The following SDK1 variants were observed in gnomAD, a reference collection of about 807,000 sequenced individuals.
SDK1 encodes the protein protein sidekick-1.
A neutral mutation model predicts 245.5 loss-of-function variants in SDK1; 157 were observed. The ratio of observed to expected loss-of-function variants is 0.64; its 90% CI spans 0.56 to 0.73. SDK1 has a LOEUF of 0.73. Ranked by LOEUF, SDK1 falls within the 30% of genes least tolerant of loss-of-function variation. The pLI, the probability that SDK1 is intolerant of heterozygous loss-of-function variation, is 0.00. For missense variants in SDK1, 3,583 were observed against 3,002.3 expected (o/e 1.19, Z -4.52); for synonymous variants, 1,647 against 1,278.5 (o/e 1.29, Z -6.15).
At position 4,111,554 on chromosome 7, in the gene SDK1, A is replaced by G. The variant is rs10259087; in HGVS notation, c.3434+782A>G. On this transcript the variant is annotated intron_variant, in intron 23 of 44. Transcript: ENST00000404826. ...AAAAAAAAAAACAATGAGAGATGCT[A>G]TTTAGCTTCTATTCATTTTAACATC... Among the ~76,000 whole-genome samples the G allele has an allele frequency of 7.4e-3, 1,121 of 152,294 alleles. 15 individuals are homozygous for G. Among genetic ancestry groups the G allele is most frequent in the African/African-American group, 0.026 (1,073 of 41,554 alleles).
chr7:3,796,971 CT>C (rs911867559), intron 4 of SDK1, among the ~76,000 whole-genome samples: 13 of 150,764 alleles, frequency 8.6e-5, no homozygotes, highest in African/African-American at 2.2e-4. Flanking sequence ...CATATATTTT[CT>C]TTTTTTTTCC....
At chr7:3,497,392 T>C (rs535922679) in intron 1 of SDK1, among the ~76,000 whole-genome samples, 1 of 152,328 alleles carries the variant, frequency 6.6e-6, no homozygotes, top group Admixed American at 6.5e-5. Context: ...TTCTCCTAGA[T>C]GATGTTTATC....
At chr7:4,176,008 G>T (rs1177389411) in intron 34 of SDK1, among the ~76,000 whole-genome samples, 174 bp downstream of exon 34, 2 of 152,198 alleles carry the variant, frequency 1.3e-5, no homozygotes, top group African/African-American at 4.8e-5. Flanking sequence ...AGGAAAAGAA[G>T]CTTCTAGAAA....
At chr7:3,801,137 G>T (rs963326758) in intron 4 of SDK1, among the ~76,000 whole-genome samples, 2 of 152,176 alleles carry the variant, frequency 1.3e-5, no homozygotes, top group Non-Finnish European at 2.9e-5. Context: ...AGATGCGGAT[G>T]ATTAAATAAG....
chr7:4,189,655 G>A (rs561799491), intron 35 of SDK1, among the ~76,000 whole-genome samples: 4 of 152,142 alleles, frequency 2.6e-5, no homozygotes, highest in Non-Finnish European at 4.4e-5. Flanking sequence ...TTCGAAACCA[G>A]CCTGGTGAAA....
chr7:3,440,317 C>T (rs1031890161), intron 1 of SDK1, among the ~76,000 whole-genome samples: 55 of 152,274 alleles, frequency 3.6e-4, no homozygotes, highest in African/African-American at 1.1e-3. Flanking sequence ...TCAGGTTGCT[C>T]AGTGCAAGTG....
intron 1 of SDK1, among the ~76,000 whole-genome samples, chr7:3,487,539 C>T (rs879312161): frequency 6.6e-6 from 1 of 151,816 alleles, no homozygotes; most frequent in Admixed American, 6.6e-5. Flanking sequence ...CCCAGGAGTT[C>T]GAGACCAGCT....
chr7:3,474,091 G>GTTT (rs869083123), intron 1 of SDK1, among the ~76,000 whole-genome samples: 1,328 of 43,276 alleles, frequency 0.031, 334 homozygotes, highest in Middle Eastern at 0.12. Context: ...ACCAGATGGT[G>GTTT]TTTTTTTTTT....
At chr7:3,849,265 C>T (rs540367171) in intron 5 of SDK1, among the ~76,000 whole-genome samples, 8 of 152,316 alleles carry the variant, frequency 5.3e-5, no homozygotes, top group East Asian at 1.9e-4. Flanking sequence ...GATGCACCCA[C>T]TCCTGGCTCA....
At chr7:3,668,768 G>A (rs1191576229) in intron 4 of SDK1, among the ~76,000 whole-genome samples, 1 of 152,226 alleles carries the variant, frequency 6.6e-6, no homozygotes, top group Non-Finnish European at 1.5e-5. Flanking sequence ...TCCAGCCTGA[G>A]TGATAGAGTG....
intron 4 of SDK1, among the ~76,000 whole-genome samples, chr7:3,647,054 C>G (rs1022144104): frequency 2.6e-5 from 4 of 152,144 alleles, no homozygotes; most frequent in African/African-American, 9.7e-5. Context: ...AGTGTGAATG[C>G]ACTTAATGCC....
At chr7:3,833,658 T>C (rs1208786697) in intron 5 of SDK1, among the ~76,000 whole-genome samples, 1 of 152,246 alleles carries the variant, frequency 6.6e-6, no homozygotes, top group Non-Finnish European at 1.5e-5. Context: ...CATACTTCGT[T>C]AGCCTACTCA....
At chr7:3,941,997 C>T (rs974410132) in intron 5 of SDK1, among the ~76,000 whole-genome samples, 2 of 151,810 alleles carry the variant, frequency 1.3e-5, no homozygotes, top group Non-Finnish European at 2.9e-5. Flanking sequence ...CAAGCTCCGC[C>T]TCCCAGGTTC....
At chr7:3,872,805 C>G (rs891650896) in intron 5 of SDK1, among the ~76,000 whole-genome samples, 2 of 152,014 alleles carry the variant, frequency 1.3e-5, no homozygotes, top group Non-Finnish European at 2.9e-5. Flanking sequence ...AAATCTGAAT[C>G]TACCTCCACA....
chr7:3,558,891 T>C (rs1326832787), intron 1 of SDK1, among the ~76,000 whole-genome samples: 5 of 152,228 alleles, frequency 3.3e-5, no homozygotes, highest in Non-Finnish European at 7.3e-5. Flanking sequence ...TGCATTTCAT[T>C]AGACAAATGT....
At chr7:3,495,644 T>C (rs550340941) in intron 1 of SDK1, among the ~76,000 whole-genome samples, 1 of 152,350 alleles carries the variant, frequency 6.6e-6, no homozygotes, top group East Asian at 1.9e-4. Context: ...AAAGTAATGA[T>C]GTCATGCTTC....
intron 2 of SDK1, among the ~76,000 whole-genome samples, chr7:3,632,688 T>C (rs1483242642): frequency 6.6e-6 from 1 of 152,244 alleles, no homozygotes; most frequent in East Asian, 1.9e-4. Flanking sequence ...CCATACTGTT[T>C]AATTTAACTT....
Position 4,017,254 on chromosome 7 carries a change from TGATCATCTG to T in SDK1, c.2507_2515del (p.Ile836_Trp838del). On this transcript the variant is annotated inframe_deletion, in exon 17 of 45. Transcript: ENST00000404826. ...GTGAACTACTGCCTGGTGACAGACC[TGATCATCTG>T]GACACAGTATGAGATACAGGTGGCG... 6.2e-7 allele frequency: 1 copy of T among 1,614,116 alleles called. No homozygotes were observed. The highest frequency in any genetic ancestry group is 8.5e-7 in the Non-Finnish European group (1 of 1,179,996).
chr7:3,776,605 A>C (rs1042990622), intron 4 of SDK1, among the ~76,000 whole-genome samples: 1 of 152,242 alleles, frequency 6.6e-6, no homozygotes, highest in Non-Finnish European at 1.5e-5. Flanking sequence ...TGCAGAAAAC[A>C]TGGAGGTTAA....
Sources: allele counts gnomAD v4.1 joint callset (sites outside exome capture counted in the v4.1 genomes callset), GRCh38; gene constraint gnomAD v4.1.1; transcripts MANE v1.5; gene names NCBI Gene and HGNC (gene_info 2026-07-23, HGNC 2026-07-21).